Variants in CNGA3 observed in about 807,000 individuals in gnomAD.
The protein encoded by CNGA3 is cyclic nucleotide-gated channel alpha-3.
CNGA3 carries 42 observed loss-of-function variants against 46.6 expected under a neutral mutation model. The ratio of observed to expected loss-of-function variants is 0.90; its 90% CI spans 0.70 to 1.17. The LOEUF is 1.17. CNGA3 is among the 50% of genes most tolerant of loss of function. CNGA3 has a pLI of 0.00. For missense variants in CNGA3, 893 were observed against 890.7 expected (o/e 1.00, Z -0.03); for synonymous variants, 394 against 369.4 (o/e 1.07, Z -0.76).
intron 6 of CNGA3, among the ~76,000 whole-genome samples, chr2:98,391,372 G>T (rs868220921): frequency 6.6e-6 from 1 of 152,348 alleles, no homozygotes; most frequent in Middle Eastern, 3.4e-3. Flanking sequence ...GGCGGCAGGG[G>T]CAGGCTGCTG....
intron 2 of CNGA3, among the ~76,000 whole-genome samples, chr2:98,371,393 A>C (rs1057156994): frequency 6.6e-6 from 1 of 151,886 alleles, no homozygotes; most frequent in East Asian, 1.9e-4. Context: ...CTCTGTCTAC[A>C]CTCTTGGTCC....
At chr2:98,392,483 C>T (rs1692812362) in intron 7 of CNGA3, among the ~76,000 whole-genome samples, 1 of 151,850 alleles carries the variant, frequency 6.6e-6, no homozygotes, top group African/African-American at 2.4e-5. Flanking sequence ...TCGCTTGAAC[C>T]CCGGGAGGTG....
In CNGA3 at chr2:98,396,847, G is replaced by C; in HGVS notation, c.1677G>C (p.Lys559Asn). The C allele has an allele frequency of 6.2e-7, 1 of 1,614,216 alleles. No individual in the cohort carries two copies. ...GCATTCTGAACATCAAGGGGAGCAAGTCGGGGAACCGCAGGACGGCCAACA... is the reference window on the plus strand; with the variant it reads ...GCATTCTGAACATCAAGGGGAGCAACTCGGGGAACCGCAGGACGGCCAACA... ...EISILNIKGS[K>N]SGNRRTANIR... Residue 559 changes from lysine (K) to asparagine (N), a missense_variant, in exon 8 of 8, where the codon AAG (lysine) becomes AAC (asparagine). By Grantham distance (94) the Lys-to-Asn change is moderately conservative (BLOSUM62 0). Coordinates refer to ENST00000272602, the MANE Select transcript of CNGA3 (RefSeq NM_001298.3).
chr2:98,372,147 G>A (rs555147618), intron 2 of CNGA3, among the ~76,000 whole-genome samples: 11 of 152,288 alleles, frequency 7.2e-5, no homozygotes, highest in Admixed American at 4.6e-4. Flanking sequence ...AGGCTGCTGC[G>A]GCTCCTGCCC....
intron 1 of CNGA3, among the ~76,000 whole-genome samples, chr2:98,361,704 C>CTTT (rs1230449113): frequency 9.2e-5 from 10 of 108,890 alleles, no homozygotes; most frequent in Non-Finnish European, 1.1e-4. Context: ...CTTTTCTTGA[C>CTTT]TTTTTTTTTT....
intron 1 of CNGA3, among the ~76,000 whole-genome samples, chr2:98,367,263 C>T (rs1692184549): frequency 6.7e-6 from 1 of 149,258 alleles, no homozygotes. Flanking sequence ...GGCGCGATCT[C>T]GGCTCACCGC....
At chr2:98,375,483 C>T (rs1232182849) in intron 2 of CNGA3, among the ~76,000 whole-genome samples, 1 of 152,244 alleles carries the variant, frequency 6.6e-6, no homozygotes, top group East Asian at 1.9e-4. Context: ...TGCAACCAAC[C>T]TAGGTGCATT....
intron 1 of CNGA3, among the ~76,000 whole-genome samples, chr2:98,362,049 G>T (rs1167211890): frequency 6.6e-6 from 1 of 151,710 alleles, no homozygotes; most frequent in Non-Finnish European, 1.5e-5. Context: ...GGCATGAGAT[G>T]GTATGTCATC....
At chr2:98,371,822 G>A (rs1692294842) in intron 2 of CNGA3, among the ~76,000 whole-genome samples, 2 of 152,214 alleles carry the variant, frequency 1.3e-5, no homozygotes, top group South Asian at 4.1e-4. Context: ...CCTTGAAGGG[G>A]GTTTCAAAGA....
chr2:98,351,699 A>G (rs1691773935), intron 1 of CNGA3, among the ~76,000 whole-genome samples: 2 of 152,224 alleles, frequency 1.3e-5, no homozygotes, highest in African/African-American at 4.8e-5. Context: ...AGTGACTGGT[A>G]TAATGTAAGC....
intron 1 of CNGA3, among the ~76,000 whole-genome samples, chr2:98,349,002 A>T (rs1691711289): frequency 6.6e-6 from 1 of 152,058 alleles, no homozygotes; most frequent in South Asian, 2.1e-4. Context: ...AAGAGAGGAA[A>T]ATCTCTCTAG....
Position 98,373,857 on chromosome 2 carries a change from T to C in CNGA3, c.101+3781T>C, listed in dbSNP as rs537522585. ...GAGCTTTGGGGCACGGGGGTTTGTG[T>C]CTGACAGAAGAGTGGTCTTCTTGTG... On this transcript the variant is annotated intron_variant, in intron 2 of 7. Transcript: ENST00000272602. Among the ~76,000 whole-genome samples, 15 of 152,312 alleles carry C rather than the reference T, an allele frequency of 9.8e-5. No individual in the cohort carries two copies. In the South Asian group the frequency reaches 3.1e-3, roughly 32 times the overall value.
At position 98,395,830 on chromosome 2, in the gene CNGA3, ATCT is replaced by A. The variant is rs1450230630; in HGVS notation, c.674-6_674-4del. 1.9e-6 allele frequency: 3 copies of A among 1,613,558 alleles called. No individual in the cohort carries two copies. The highest frequency in any genetic ancestry group is 2.2e-5 in the East Asian group (1 of 44,894). ...GCCTCTGTGATGCCCAATGACCTCC[ATCT>A]TCTTCTTTAGGTTTTCTCGAGCAAG... On this transcript the variant is annotated splice_polypyrimidine_tract_variant and intron_variant, in intron 7 of 7. Coordinates refer to ENST00000272602, the MANE Select transcript of CNGA3 (RefSeq NM_001298.3).
At chr2:98,367,185 C>CTTTTTTTTTTTTTTTTTTTTTT (rs558997785) in intron 1 of CNGA3, among the ~76,000 whole-genome samples, 4 of 95,204 alleles carry the variant, frequency 4.2e-5, no homozygotes, top group African/African-American at 1.2e-4. Context: ...TCTTTTTTTT[C>CTTTTTTTTTTTTTTTTTTTTTT]TTTTTTTTTT....
rs1190371236 is a variant in CNGA3, at chr2:98,398,286, AC to A, written c.*1032del. On this transcript the variant is annotated 3_prime_UTR_variant, in exon 8 of 8. Transcript: ENST00000272602. ...TTGCAGAAATTAGCTTTTTTAAAAA[AC>A]AAACCCCAGTAAATATAATTTCATT... The A allele has an allele frequency of 1.3e-5, 2 of 152,230 alleles. No individual in the cohort carries two copies. Among genetic ancestry groups the A allele is most frequent in the Non-Finnish European group, 2.9e-5 (2 of 68,042 alleles). 9.4% of individuals were successfully genotyped at this position (152,230 alleles called of 1,614,324 possible).
chr2:98,361,164 C>A (rs1692024223), intron 1 of CNGA3, among the ~76,000 whole-genome samples: 1 of 152,108 alleles, frequency 6.6e-6, no homozygotes, highest in African/African-American at 2.4e-5. Context: ...GCTATTTATC[C>A]AGTTACTCTC....
At chr2:98,370,482 G>A (rs145135830) in intron 2 of CNGA3, among the ~76,000 whole-genome samples, 1 of 152,360 alleles carries the variant, frequency 6.6e-6, no homozygotes, top group Non-Finnish European at 1.5e-5. Flanking sequence ...CACCAAAGAT[G>A]TAGCATGAAT....
rs544277213 is a variant in CNGA3, at chr2:98,373,754, C to A, written c.101+3678C>A. ...GATAAGGCAATAGAAACAGGCTATT[C>A]TCTGCTGCAGAGAATTGCAGCTAGG... On this transcript the variant is annotated intron_variant, in intron 2 of 7. Transcript: ENST00000272602. 5.9e-5 allele frequency among the ~76,000 whole-genome samples: 9 copies of A among 152,300 alleles called. No individual in the cohort carries two copies. The East Asian group carries it at 1.7e-3, about 29-fold the overall frequency.
At position 98,391,865 on chromosome 2, in the gene CNGA3, G is replaced by T; in HGVS notation, c.568G>T (p.Ala190Ser). Residue 190 changes from alanine (A) to serine (S), a missense_variant and splice_region_variant, in exon 7 of 8, where the codon GCC becomes TCC. Physicochemically the swap from Ala to Ser is moderately conservative, Grantham distance 99 (BLOSUM62 1). Coordinates refer to ENST00000272602, the MANE Select transcript of CNGA3 (RefSeq NM_001298.3). ...CCATCTCCCACATGGCTTCTTTAGGGCCTGTTTCGATGAGCTGCAGTCCGA... is the reference window on the plus strand; with the variant it reads ...CCATCTCCCACATGGCTTCTTTAGGTCCTGTTTCGATGAGCTGCAGTCCGA... Reference protein sequence around the residue: ...FYNWYLLICRACFDELQSEYL... With the variant: ...FYNWYLLICRSCFDELQSEYL... 6.2e-7 allele frequency: 1 copy of T among 1,614,098 alleles called. No individual in the cohort carries two copies. Among genetic ancestry groups the T allele is most frequent in the Non-Finnish European group, 8.5e-7 (1 of 1,179,946 alleles).
Sources: allele counts gnomAD v4.1 joint callset (sites outside exome capture counted in the v4.1 genomes callset), GRCh38; gene constraint gnomAD v4.1.1; transcripts MANE v1.5; gene names NCBI Gene and HGNC (gene_info 2026-07-23, HGNC 2026-07-21).